Variants in PTPRK observed in about 807,000 individuals in gnomAD.
The protein encoded by PTPRK is protein tyrosine phosphatase receptor type K.
Under a neutral mutation model 178.0 loss-of-function variants are expected in PTPRK, and 75 were observed. The observed-to-expected ratio is 0.42, with a 90% CI of 0.35 to 0.51. The LOEUF (loss-of-function observed/expected upper bound fraction) is 0.51, where lower values mean the gene tolerates loss of function less well. PTPRK is among the 20% of genes least tolerant of loss of function. The pLI is 0.02. For synonymous variants in PTPRK, 637 were observed against 620.6 expected, an observed-to-expected ratio of 1.03 and a Z score of -0.39; for missense variants, 1,441 against 1,797.8, an observed-to-expected ratio of 0.80 and a Z score of 3.59.
intron 25 of PTPRK, among the ~76,000 whole-genome samples, chr6:127,977,778 A>G (rs370946211): frequency 6.6e-6 from 1 of 152,334 alleles, no homozygotes. Context: ...CTTGTTAACC[A>G]AGTCCTCCTT....
chr6:128,511,142 C>T (rs1167700591), intron 1 of PTPRK, among the ~76,000 whole-genome samples: 1 of 152,104 alleles, frequency 6.6e-6, no homozygotes, highest in African/African-American at 2.4e-5. Flanking sequence ...AATAAATAAA[C>T]ACTCTCAGAT....
chr6:128,462,408 A>G (rs1220385214), intron 1 of PTPRK, among the ~76,000 whole-genome samples: 1 of 152,004 alleles, frequency 6.6e-6, no homozygotes, highest in Non-Finnish European at 1.5e-5. Flanking sequence ...TATAAAAACT[A>G]ATGAGATAGT....
intron 15 of PTPRK, among the ~76,000 whole-genome samples, chr6:128,000,887 TCA>T (rs2114691566): frequency 1.3e-5 from 2 of 152,106 alleles, no homozygotes; most frequent in South Asian, 4.1e-4. Context: ...TGAAAAAGGC[TCA>T]GTGAGAAACA....
chr6:128,500,551 G>A (rs1459381253), intron 1 of PTPRK: 1 of 152,134 alleles, frequency 6.6e-6, no homozygotes, highest in African/African-American at 2.4e-5. Flanking sequence ...AACGTCTACT[G>A]ATCACAGGTC....
chr6:127,994,509 T>A (rs1776930996), intron 18 of PTPRK, among the ~76,000 whole-genome samples: 1 of 151,764 alleles, frequency 6.6e-6, no homozygotes, highest in Non-Finnish European at 1.5e-5. Context: ...GTTATTATTA[T>A]CCCCACTGCA....
chr6:128,494,768 C>A (rs541487418), intron 1 of PTPRK, among the ~76,000 whole-genome samples: 1 of 152,118 alleles, frequency 6.6e-6, no homozygotes, highest in Non-Finnish European at 1.5e-5. Flanking sequence ...TCCAAAAGAG[C>A]CTGAAACTTG....
At chr6:128,321,547 ATAAT>A (rs1474580784) in intron 3 of PTPRK, 1 of 404,906 alleles carries the variant, frequency 2.5e-6, no homozygotes, top group East Asian at 4.4e-5. Context: ...CAAAATTAAA[ATAAT>A]TAATGAAAAT....
chr6:128,076,911 T>C lies in PTPRK; in HGVS notation c.1883+1902A>G, dbSNP rs538826472. On this transcript the variant is annotated intron_variant, in intron 11 of 29. Coordinates refer to ENST00000368226, the MANE Select transcript of PTPRK (RefSeq NM_002844.4). Reference sequence around the variant, plus strand: ...GTGTTTTGTTGTGGTCATTTTATCTTTGATTTACAATACCTTGCACAGTGA... The same window carrying C: ...GTGTTTTGTTGTGGTCATTTTATCTCTGATTTACAATACCTTGCACAGTGA... Among the ~76,000 whole-genome samples the C allele has an allele frequency of 1.3e-3, 201 of 152,178 alleles. 2 individuals carry two copies. Among genetic ancestry groups the C allele is most frequent in the African/African-American group, 4.6e-3 (190 of 41,548 alleles).
chr6:128,035,970 G>A (rs1776139533), intron 13 of PTPRK, among the ~76,000 whole-genome samples: 1 of 152,198 alleles, frequency 6.6e-6, no homozygotes, highest in African/African-American at 2.4e-5. Context: ...ATAAGCATAT[G>A]TTTTAGTTCC....
chr6:128,067,546 ATAGATGTTGTATCCTT>A lies in PTPRK; in HGVS notation c.2114_2129del (p.Lys705IlefsTer5). On this transcript the variant is annotated frameshift_variant, in exon 12 of 30. Transcript: ENST00000368226. LOFTEE classifies it high-confidence loss of function. Reference sequence around the variant, plus strand: ...TCTCCACACTGCTCATCGCCTGGAAATAGATGTTGTATCCTTTGCGCGGAGCCAAAGGAGGGTTCCA... The same window carrying A: ...TCTCCACACTGCTCATCGCCTGGAAATGCGCGGAGCCAAAGGAGGGTTCCA... 1 of 1,579,062 alleles carries A rather than the reference ATAGATGTTGTATCCTT, an allele frequency of 6.3e-7. No homozygotes were observed. The highest frequency in any genetic ancestry group is 8.6e-7 in the Non-Finnish European group (1 of 1,156,650).
At chr6:128,024,342 T>C (rs1773964315) in intron 13 of PTPRK, among the ~76,000 whole-genome samples, 1 of 152,238 alleles carries the variant, frequency 6.6e-6, no homozygotes, top group East Asian at 1.9e-4. Flanking sequence ...TAAGATTATG[T>C]TGCTATGGCA....
intron 3 of PTPRK, among the ~76,000 whole-genome samples, chr6:128,285,968 G>A (rs890897719): frequency 4.6e-5 from 7 of 151,904 alleles, no homozygotes; most frequent in Non-Finnish European, 1.5e-5. Flanking sequence ...CGTGATCCAC[G>A]AGCCCTCTGG....
At chr6:127,983,072 T>C (rs1775536726) in intron 23 of PTPRK, 92 bp from the exon 24 acceptor site, 11 of 1,390,782 alleles carry the variant, frequency 7.9e-6, no homozygotes, top group Non-Finnish European at 6.8e-6. Context: ...TTTCTCTATA[T>C]GGAAATATGA....
intron 7 of PTPRK, among the ~76,000 whole-genome samples, chr6:128,181,477 A>G (rs1167325348): frequency 6.6e-6 from 1 of 152,100 alleles, no homozygotes; most frequent in Non-Finnish European, 1.5e-5. Flanking sequence ...AGTCCTAATT[A>G]AAAAAGAATG....
At chr6:128,467,650 A>G (rs1302363979) in intron 1 of PTPRK, among the ~76,000 whole-genome samples, 1 of 152,310 alleles carries the variant, frequency 6.6e-6, no homozygotes, top group East Asian at 1.9e-4. Flanking sequence ...ATGTAAACCT[A>G]CTAGTTTCTT....
intron 1 of PTPRK, among the ~76,000 whole-genome samples, chr6:128,417,621 C>T (rs927461783): frequency 1.3e-5 from 2 of 152,188 alleles, no homozygotes; most frequent in Non-Finnish European, 2.9e-5. Context: ...ATTCTGACTT[C>T]ACTAACATAT....
chr6:128,159,749 C>T (rs1798430774), intron 7 of PTPRK, among the ~76,000 whole-genome samples: 2 of 151,672 alleles, frequency 1.3e-5, no homozygotes, highest in African/African-American at 2.4e-5. Flanking sequence ...CCAATAAAGT[C>T]TATTTCTTCC....
chr6:128,260,188 T>G (rs1204341843), intron 3 of PTPRK, among the ~76,000 whole-genome samples: 1 of 152,126 alleles, frequency 6.6e-6, no homozygotes, highest in Non-Finnish European at 1.5e-5. Context: ...TATATTTTTT[T>G]TTATTCTATT....
At chr6:128,102,628 TG>T in intron 7 of PTPRK, among the ~76,000 whole-genome samples, 1 of 152,316 alleles carries the variant, frequency 6.6e-6, no homozygotes, top group South Asian at 2.1e-4. Flanking sequence ...TCATCCCAGG[TG>T]GAAGAAAGTG....
Sources: allele counts gnomAD v4.1 joint callset (sites outside exome capture counted in the v4.1 genomes callset), GRCh38; gene constraint gnomAD v4.1.1; transcripts MANE v1.5; gene names NCBI Gene and HGNC (gene_info 2026-07-23, HGNC 2026-07-21).